The following SKIC2 variants were observed in gnomAD, a reference collection of about 807,000 sequenced individuals.
SKIC2 encodes the protein SKI2 subunit of superkiller complex.
the SKIC2 span, chr6:31,968,069 CA>C: frequency 1.3e-5 from 21 of 1,612,858 alleles, no homozygotes; most frequent in Non-Finnish European, 1.8e-5. This position sits in a 1 kb window ranked among gnomAD's most constrained non-coding sequence, Gnocchi z 6.1. Context: ...CAAGAGGCAG[CA>C]GCCAAAATTC....
chr6:31,960,073 T>A, the SKIC2 span: 1 of 1,613,118 alleles, frequency 6.2e-7, no homozygotes, highest in Non-Finnish European at 8.5e-7. Flanking sequence ...GTTGTTTCTG[T>A]CATCCCCAGC....
the SKIC2 span, among the ~76,000 whole-genome samples, chr6:31,966,322 TC>T: frequency 6.6e-6 from 1 of 151,990 alleles, no homozygotes; most frequent in Admixed American, 6.5e-5. The surrounding 1 kb of genome is among the most constrained non-coding windows in gnomAD (Gnocchi z 5.9). Flanking sequence ...CACAGGTTGG[TC>T]TTGAACTTCT....
chr6:31,962,472 C>G, the SKIC2 span: 1 of 1,614,162 alleles, frequency 6.2e-7, no homozygotes, highest in Non-Finnish European at 8.5e-7. This position sits in a 1 kb window ranked among gnomAD's most constrained non-coding sequence, Gnocchi z 5.0. Context: ...AGGCCCTGAG[C>G]AACCAGAAGT....
chr6:31,963,806 A>G, the SKIC2 span: 88 of 1,502,710 alleles, frequency 5.9e-5, 2 homozygotes, highest in South Asian at 1.0e-3. The surrounding 1 kb of genome is among the most constrained non-coding windows in gnomAD (Gnocchi z 5.3). Flanking sequence ...CTTGTCCCCC[A>G]GGGGTTTTGA....
the SKIC2 span, chr6:31,965,998 G>A: frequency 1.3e-6 from 2 of 1,596,966 alleles, no homozygotes; most frequent in Non-Finnish European, 1.7e-6. This position sits in a 1 kb window ranked among gnomAD's most constrained non-coding sequence, Gnocchi z 5.6. Context: ...TGGCAGACCT[G>A]CACCGCATGA....
At chr6:31,965,491 A>G in the SKIC2 span, among the ~76,000 whole-genome samples, 1 of 152,262 alleles carries the variant, frequency 6.6e-6, no homozygotes, top group Non-Finnish European at 1.5e-5. This position sits in a 1 kb window ranked among gnomAD's most constrained non-coding sequence, Gnocchi z 5.6. Flanking sequence ...CATGTTCTAT[A>G]AGATCATATT....
the SKIC2 span, chr6:31,960,555 T>C: frequency 6.2e-7 from 1 of 1,600,014 alleles, no homozygotes; most frequent in South Asian, 1.1e-5. Context: ...AGGTGACTCT[T>C]GTGGAGATGG....
chr6:31,964,091 C>G, the SKIC2 span: 1 of 1,612,548 alleles, frequency 6.2e-7, no homozygotes, highest in Non-Finnish European at 8.5e-7. This position sits in a 1 kb window ranked among gnomAD's most constrained non-coding sequence, Gnocchi z 5.0. Flanking sequence ...CGCTGCCTTG[C>G]TCGCCTCCGT....
the SKIC2 span, chr6:31,968,451 A>T: frequency 1.2e-6 from 2 of 1,612,636 alleles, no homozygotes; most frequent in Non-Finnish European, 1.7e-6. This position sits in a 1 kb window ranked among gnomAD's most constrained non-coding sequence, Gnocchi z 6.1. Context: ...AAGATATGTC[A>T]GTTGTAGAGG....
the SKIC2 span, among the ~76,000 whole-genome samples, chr6:31,962,259 A>C: frequency 6.6e-6 from 1 of 152,118 alleles, no homozygotes; most frequent in Non-Finnish European, 1.5e-5. The surrounding 1 kb of genome is among the most constrained non-coding windows in gnomAD (Gnocchi z 5.0). Context: ...TAGTTTAGGA[A>C]GGGGTTGGGG....
At chr6:31,964,026 C>T in the SKIC2 span, 1 of 1,612,708 alleles carries the variant, frequency 6.2e-7, no homozygotes. This position sits in a 1 kb window ranked among gnomAD's most constrained non-coding sequence, Gnocchi z 5.0. Flanking sequence ...CAGGCCTCAC[C>T]TCCCTTGACC....
chr6:31,965,579 A>G, the SKIC2 span, among the ~76,000 whole-genome samples: 1 of 152,250 alleles, frequency 6.6e-6, no homozygotes, highest in African/African-American at 2.4e-5. The surrounding 1 kb of genome is among the most constrained non-coding windows in gnomAD (Gnocchi z 5.6). Flanking sequence ...GTAAAAGTTA[A>G]GAAATAGAAA....
chr6:31,964,261 C>T, the SKIC2 span: 58 of 1,612,952 alleles, frequency 3.6e-5, no homozygotes, highest in East Asian at 9.1e-4. This position sits in a 1 kb window ranked among gnomAD's most constrained non-coding sequence, Gnocchi z 5.0. Context: ...TCCTGAATCG[C>T]GGCCTGGGTG....
At chr6:31,963,352 TG>T in the SKIC2 span, 1 of 1,447,788 alleles carries the variant, frequency 6.9e-7, no homozygotes, top group Non-Finnish European at 9.2e-7. The surrounding 1 kb of genome is among the most constrained non-coding windows in gnomAD (Gnocchi z 5.3). Flanking sequence ...GGGAAGGGGG[TG>T]GGGATGTGGG....
the SKIC2 span, chr6:31,967,784 C>A: frequency 2.5e-6 from 4 of 1,613,018 alleles, no homozygotes; most frequent in Non-Finnish European, 3.4e-6. The surrounding 1 kb of genome is among the most constrained non-coding windows in gnomAD (Gnocchi z 4.9). Flanking sequence ...GTCCCAGGAC[C>A]CACAGGACAG....
the SKIC2 span, chr6:31,967,069 T>C: frequency 1.2e-6 from 2 of 1,612,976 alleles, no homozygotes; most frequent in Non-Finnish European, 1.7e-6. The surrounding 1 kb of genome is among the most constrained non-coding windows in gnomAD (Gnocchi z 4.9). Context: ...CTGACATGAC[T>C]GGCCAACTGG....
At chr6:31,964,045 A>C in the SKIC2 span, 1 of 1,612,660 alleles carries the variant, frequency 6.2e-7, no homozygotes, top group Non-Finnish European at 8.5e-7. The surrounding 1 kb of genome is among the most constrained non-coding windows in gnomAD (Gnocchi z 5.0). Context: ...CCTCACCACC[A>C]GTTCGGAGAA....
chr6:31,959,498 C>G, the SKIC2 span: 1 of 846,820 alleles, frequency 1.2e-6, no homozygotes, highest in African/African-American at 1.7e-5. Flanking sequence ...TCATCTGTGC[C>G]TGTACTCCTG....
At chr6:31,968,555 T>A in the SKIC2 span, 1 of 1,603,210 alleles carries the variant, frequency 6.2e-7, no homozygotes, top group Non-Finnish European at 8.5e-7. The surrounding 1 kb of genome is among the most constrained non-coding windows in gnomAD (Gnocchi z 6.1). Flanking sequence ...CCCTGGGTGG[T>A]AACTCCCAAG....
Sources: gnomAD v4.1 joint callset for allele counts (sites outside exome capture counted in the v4.1 genomes callset) on GRCh38, gnomAD v4.1.1 for gene constraint, Gnocchi (gnomAD v3.1) non-coding constraint, MANE v1.5 for transcripts, NCBI Gene and HGNC (gene_info 2026-07-23, HGNC 2026-07-21) for gene names.